The following STK39 variants were observed in gnomAD, a reference collection of about 807,000 sequenced individuals.
STK39 encodes the protein STE20/SPS1-related proline-alanine-rich protein kinase.
A neutral mutation model predicts 77.8 loss-of-function variants in STK39; 20 were observed. The ratio of observed to expected loss-of-function variants is 0.26; its 90% CI spans 0.18 to 0.37. The LOEUF is 0.37. Ranked by LOEUF, STK39 falls within the 10% of genes least tolerant of loss-of-function variation. The pLI, the probability that STK39 is intolerant of heterozygous loss-of-function variation, is 1.00. For synonymous variants in STK39, 246 were observed against 234.1 expected (o/e 1.05, Z -0.47); for missense variants, 479 against 656.5 (o/e 0.73, Z 2.95).
intron 14 of STK39, among the ~76,000 whole-genome samples, chr2:168,034,504 A>T (rs1213416865): frequency 1.3e-5 from 2 of 152,164 alleles, no homozygotes; most frequent in Non-Finnish European, 2.9e-5. Context: ...GAAGAAAAGC[A>T]CCCATTTTGC....
intron 16 of STK39, among the ~76,000 whole-genome samples, chr2:167,993,507 C>T (rs1347204930): frequency 1.3e-5 from 2 of 152,152 alleles, no homozygotes; most frequent in Non-Finnish European, 2.9e-5. Context: ...AGCACTGTTT[C>T]ACTGGCAGCC....
At chr2:168,186,565 G>A (rs1336692718) in intron 1 of STK39, among the ~76,000 whole-genome samples, 1 of 152,180 alleles carries the variant, frequency 6.6e-6, no homozygotes, top group Non-Finnish European at 1.5e-5. Flanking sequence ...GTTAGACAGG[G>A]ATTCTATCCA....
chr2:168,088,923 T>TA (rs1226065185), intron 10 of STK39, among the ~76,000 whole-genome samples: 1 of 152,162 alleles, frequency 6.6e-6, no homozygotes, highest in Non-Finnish European at 1.5e-5. Context: ...CCTTATTACT[T>TA]ATAAAGGTGA....
At chr2:168,243,289 C>T (rs192187353) in intron 1 of STK39, among the ~76,000 whole-genome samples, 10 of 152,256 alleles carry the variant, frequency 6.6e-5, no homozygotes, top group Non-Finnish European at 7.4e-5. Flanking sequence ...TCTCATTTTA[C>T]AAGAGGCTGT....
intron 14 of STK39, among the ~76,000 whole-genome samples, chr2:168,048,360 C>A (rs1420097350): frequency 6.6e-6 from 1 of 151,980 alleles, no homozygotes; most frequent in East Asian, 1.9e-4. Flanking sequence ...CTACAGGCAA[C>A]CGCCACCACG....
intron 1 of STK39, among the ~76,000 whole-genome samples, chr2:168,213,615 G>C (rs1255359846): frequency 6.6e-6 from 1 of 151,372 alleles, no homozygotes; most frequent in East Asian, 1.9e-4. Flanking sequence ...GAGCCCAGGA[G>C]GTGGAGGTTG....
At chr2:168,213,578 C>T (rs1574561474) in intron 1 of STK39, among the ~76,000 whole-genome samples, 2 of 151,502 alleles carry the variant, frequency 1.3e-5, no homozygotes, top group East Asian at 1.9e-4. Context: ...CCCAGCTACT[C>T]GGGAGGCTGA....
chr2:168,046,512 A>AC (rs1267370530), intron 14 of STK39, among the ~76,000 whole-genome samples: 1 of 152,348 alleles, frequency 6.6e-6, no homozygotes, highest in East Asian at 1.9e-4. Context: ...AAGGTGGCCC[A>AC]CATCAAGCCA....
intron 16 of STK39, among the ~76,000 whole-genome samples, chr2:167,975,354 T>C (rs1683246541): frequency 6.6e-6 from 1 of 151,942 alleles, no homozygotes; most frequent in African/African-American, 2.4e-5. Flanking sequence ...GCAGAGGAAA[T>C]CTACAATAGA....
chr2:168,008,548 G>C (rs1202341781), intron 16 of STK39, among the ~76,000 whole-genome samples: 1 of 152,144 alleles, frequency 6.6e-6, no homozygotes, highest in Non-Finnish European at 1.5e-5. Flanking sequence ...TAAAAGGGGA[G>C]CTGAATATAA....
At chr2:168,049,409 T>C (rs1218381415) in intron 14 of STK39, among the ~76,000 whole-genome samples, 1 of 152,178 alleles carries the variant, frequency 6.6e-6, no homozygotes, top group Non-Finnish European at 1.5e-5. Context: ...TAGCACAAAA[T>C]CCTTAACCAA....
intron 5 of STK39, among the ~76,000 whole-genome samples, chr2:168,154,149 A>G (rs2063958): frequency 0.14 from 22,027 of 152,206 alleles, 1,796 homozygotes; most frequent in East Asian, 0.25. Flanking sequence ...GGTCCAAGAG[A>G]ACGACAAGGA....
chr2:168,246,147 G>A (rs1384278380), intron 1 of STK39, among the ~76,000 whole-genome samples: 1 of 152,044 alleles, frequency 6.6e-6, no homozygotes, highest in Non-Finnish European at 1.5e-5. Flanking sequence ...TTTCATCGCT[G>A]TACTTATATA....
chr2:167,955,633 G>A, intron 17 of STK39, 63 bp from the exon 18 acceptor site: 6 of 1,535,486 alleles, frequency 3.9e-6, no homozygotes, highest in Non-Finnish European at 4.5e-6. Context: ...TTAAAGTCTT[G>A]TTCCTATGAT....
chr2:168,155,523 C>T (rs563358601), intron 5 of STK39, among the ~76,000 whole-genome samples: 17 of 152,276 alleles, frequency 1.1e-4, no homozygotes, highest in Admixed American at 2.0e-4. Flanking sequence ...GTTCCTGAAA[C>T]TCAAAACAAA....
intron 10 of STK39, among the ~76,000 whole-genome samples, chr2:168,109,123 T>C (rs1334303789): frequency 2.0e-5 from 3 of 152,190 alleles, no homozygotes; most frequent in African/African-American, 7.2e-5. Flanking sequence ...TGCGATGTAA[T>C]ATTCAACATA....
chr2:168,246,617 C>T (rs961796767), intron 1 of STK39, among the ~76,000 whole-genome samples: 2 of 152,190 alleles, frequency 1.3e-5, no homozygotes, highest in Admixed American at 6.5e-5. Flanking sequence ...CGCGGAGAGC[C>T]GGGCTGCAAG....
chr2:168,003,789 T>C (rs1684058052), intron 16 of STK39, among the ~76,000 whole-genome samples: 1 of 152,222 alleles, frequency 6.6e-6, no homozygotes, highest in Non-Finnish European at 1.5e-5. Context: ...GTTTTCTTCC[T>C]TTATTCCCTG....
At chr2:167,992,432 T>A (rs1683725770) in intron 16 of STK39, among the ~76,000 whole-genome samples, 1 of 152,030 alleles carries the variant, frequency 6.6e-6, no homozygotes, top group South Asian at 2.1e-4. Flanking sequence ...TGTCTGGAAC[T>A]GGGGTCAGAG....
Sources: allele counts gnomAD v4.1 joint callset (sites outside exome capture counted in the v4.1 genomes callset), GRCh38; gene constraint gnomAD v4.1.1; transcripts MANE v1.5; gene names NCBI Gene and HGNC (gene_info 2026-07-23, HGNC 2026-07-21).